Variants in AGAP1 observed in about 807,000 individuals in gnomAD.
AGAP1 encodes the protein arf-GAP with GTPase, ANK repeat and PH domain-containing protein 1.
In AGAP1, 29 loss-of-function variants were observed where a neutral mutation model predicts 105.3. That is an observed-to-expected ratio of 0.28 (90% CI 0.21 to 0.38). The LOEUF (loss-of-function observed/expected upper bound fraction) is 0.38. Ranked by LOEUF, AGAP1 falls within the 10% of genes least tolerant of loss-of-function variation. The pLI is 1.00. For synonymous variants in AGAP1, 509 were observed against 485.9 expected (o/e 1.05, Z -0.63); for missense variants, 998 against 1,165.1 (o/e 0.86, Z 2.09).
chr2:235,562,736 A>G (rs1035145179), intron 1 of AGAP1, among the ~76,000 whole-genome samples: 6 of 152,058 alleles, frequency 3.9e-5, no homozygotes, highest in Non-Finnish European at 8.8e-5. Flanking sequence ...TGGGCAAGTC[A>G]CCATGGCTCT....
intron 6 of AGAP1, among the ~76,000 whole-genome samples, chr2:235,778,232 G>A (rs1038306262): frequency 6.6e-6 from 1 of 152,138 alleles, no homozygotes; most frequent in Admixed American, 6.5e-5. Flanking sequence ...TACCTTGTAC[G>A]ACCCTTGCCA....
intron 13 of AGAP1, among the ~76,000 whole-genome samples, chr2:236,030,408 C>G (rs2057189293): frequency 6.6e-6 from 1 of 152,200 alleles, no homozygotes; most frequent in Non-Finnish European, 1.5e-5. Context: ...TGGTCTCCGT[C>G]CATGGGAAGC....
In AGAP1 at chr2:235,599,077, A is replaced by C. The variant is rs1945641636; in HGVS notation, c.163+104228A>C. On this transcript the variant is annotated intron_variant, in intron 1 of 17. Coordinates refer to ENST00000304032, the MANE Select transcript of AGAP1 (RefSeq NM_001037131.3). This position sits in a 1 kb window ranked among gnomAD's most constrained non-coding sequence, Gnocchi z 5.3. ...GGTAGGAATGTATTTATTTACTCGC[A>C]TGCCTTCAGATGCTTGCAGTAAGTC... Among the ~76,000 whole-genome samples, 1 of 152,176 alleles carries C rather than the reference A, an allele frequency of 6.6e-6. No homozygotes were observed. Among genetic ancestry groups the C allele is most frequent in the South Asian group, 2.1e-4 (1 of 4,826 alleles).
rs892976266 is a variant in AGAP1 at position 235,552,255 on chromosome 2, A to C, written c.163+57406A>C. Among the ~76,000 whole-genome samples, 5 of 152,198 alleles carry C rather than the reference A, an allele frequency of 3.3e-5. No individual in the cohort carries two copies. ...GCTTATTGCTGGTGTTGAGAAATAC[A>C]GTTTCTGCAGGAAAGAGAGAGACAT... is the stretch of plus-strand genomic sequence containing the variant. On this transcript the variant is annotated intron_variant, in intron 1 of 17. Transcript: ENST00000304032. The surrounding 1 kb of genome is among the most constrained non-coding windows in gnomAD (Gnocchi z 5.9).
chr2:235,508,418 C>G (rs1210278950), intron 1 of AGAP1, among the ~76,000 whole-genome samples: 1 of 152,242 alleles, frequency 6.6e-6, no homozygotes, highest in African/African-American at 2.4e-5. Flanking sequence ...CAGTTCGCAG[C>G]TCTCCTGCAG....
At chr2:236,030,007 A>G (rs1319371056) in intron 13 of AGAP1, among the ~76,000 whole-genome samples, 1 of 152,178 alleles carries the variant, frequency 6.6e-6, no homozygotes, top group East Asian at 1.9e-4. Context: ...CAAAGTGCTG[A>G]GTTGGCAGAC....
chr2:236,032,120 G>A (rs1576117730), intron 13 of AGAP1, among the ~76,000 whole-genome samples: 1 of 152,162 alleles, frequency 6.6e-6, no homozygotes, highest in African/African-American at 2.4e-5. Context: ...AGACCTTGGG[G>A]ATGGGGATAA....
chr2:235,931,648 C>T lies in AGAP1; in HGVS notation c.1483+725C>T, dbSNP rs1240175462. Among the ~76,000 whole-genome samples, 1 of 151,922 alleles carries T rather than the reference C, an allele frequency of 6.6e-6. No homozygotes were observed. The highest frequency in any genetic ancestry group is 1.5e-5 in the Non-Finnish European group (1 of 68,006). On this transcript the variant is annotated intron_variant, in intron 12 of 17. Coordinates refer to ENST00000304032, the MANE Select transcript of AGAP1 (RefSeq NM_001037131.3). This position sits in a 1 kb window ranked among gnomAD's most constrained non-coding sequence, Gnocchi z 5.6. Reference sequence around the variant, plus strand: ...CCACTGTTGTATGTAATCTATCAGACGGGGTTTTAGAGTAATCTTAGCATA... The same window carrying T: ...CCACTGTTGTATGTAATCTATCAGATGGGGTTTTAGAGTAATCTTAGCATA...
At position 235,792,617 on chromosome 2, in the gene AGAP1, C is replaced by T. The variant is rs779091621; in HGVS notation, c.674-5142C>T. Among the ~76,000 whole-genome samples, 3 of 152,172 alleles carry T rather than the reference C, an allele frequency of 2.0e-5. No homozygotes were observed. The highest frequency in any genetic ancestry group is 6.5e-5 in the Admixed American group (1 of 15,270). On this transcript the variant is annotated intron_variant, in intron 6 of 17. Coordinates refer to ENST00000304032, the MANE Select transcript of AGAP1 (RefSeq NM_001037131.3). The surrounding 1 kb of genome is among the most constrained non-coding windows in gnomAD (Gnocchi z 5.3). Reference sequence around the variant, plus strand: ...TAGACCAAGGCAGTGGCAGTGAAGACGAATTTCTGAGAAACTCTGGTGGTT... The same window carrying T: ...TAGACCAAGGCAGTGGCAGTGAAGATGAATTTCTGAGAAACTCTGGTGGTT...
At chr2:235,590,610 G>C (rs1945292536) in intron 1 of AGAP1, among the ~76,000 whole-genome samples, 1 of 151,524 alleles carries the variant, frequency 6.6e-6, no homozygotes, top group South Asian at 2.1e-4. Flanking sequence ...AACCTGCCAG[G>C]ATAGGCCACT....
chr2:235,731,308 A>G (rs1014074420), intron 3 of AGAP1, among the ~76,000 whole-genome samples: 7 of 152,172 alleles, frequency 4.6e-5, no homozygotes, highest in African/African-American at 1.7e-4. Context: ...TCACTTGCTT[A>G]CCTGGAAGCT....
At position 235,963,869 on chromosome 2, in the gene AGAP1, C is replaced by T. The variant is rs889210614; in HGVS notation, c.1484-4593C>T. On this transcript the variant is annotated intron_variant, in intron 12 of 17. Transcript: ENST00000304032. This position sits in a 1 kb window ranked among gnomAD's most constrained non-coding sequence, Gnocchi z 5.1. ...AGAGAGCCTAGCGGTAGACCTACCA[C>T]GCCCCTGTGGAAGCCTGTCGTGTGG... Among the ~76,000 whole-genome samples, 2 of 152,196 alleles carry T rather than the reference C, an allele frequency of 1.3e-5. No homozygotes were observed. The highest frequency in any genetic ancestry group is 2.1e-4 in the South Asian group (1 of 4,832).
rs1043297290 is a variant in AGAP1 at position 236,105,348 on chromosome 2, G to A, written c.2115-14844G>A. Among the ~76,000 whole-genome samples the A allele has an allele frequency of 7.2e-5, 11 of 152,034 alleles. No individual in the cohort carries two copies. Among genetic ancestry groups the A allele is most frequent in the African/African-American group, 2.7e-4 (11 of 41,394 alleles). On this transcript the variant is annotated intron_variant, in intron 16 of 17. Coordinates refer to ENST00000304032, the MANE Select transcript of AGAP1 (RefSeq NM_001037131.3). This position sits in a 1 kb window ranked among gnomAD's most constrained non-coding sequence, Gnocchi z 4.2. ...CGGAGCGGGGGACCAAGGACAGAGAGGAAGACAAAGGCTCTGTGAGCTGTG... is the reference window on the plus strand; with the variant it reads ...CGGAGCGGGGGACCAAGGACAGAGAAGAAGACAAAGGCTCTGTGAGCTGTG...
At position 235,633,462 on chromosome 2, in the gene AGAP1, C is replaced by A. The variant is rs1477985229; in HGVS notation, c.164-75717C>A. On this transcript the variant is annotated intron_variant, in intron 1 of 17. Coordinates refer to ENST00000304032, the MANE Select transcript of AGAP1 (RefSeq NM_001037131.3). This position sits in a 1 kb window ranked among gnomAD's most constrained non-coding sequence, Gnocchi z 4.8. The stretch of plus-strand genomic sequence containing the variant: ...TACAAAAATTAGCCAGGCATGGTGG[C>A]GGGCTCCTGTAATTCCAGCTACTCG... 6.6e-6 allele frequency among the ~76,000 whole-genome samples: 1 copy of A among 152,098 alleles called. No individual in the cohort carries two copies. Among genetic ancestry groups the A allele is most frequent in the Non-Finnish European group, 1.5e-5 (1 of 68,026 alleles).
At chr2:235,533,671 A>G (rs1352310850) in intron 1 of AGAP1, among the ~76,000 whole-genome samples, 2 of 152,230 alleles carry the variant, frequency 1.3e-5, no homozygotes, top group Admixed American at 1.3e-4. Context: ...CCTCTAATGA[A>G]AAGGAATGCT....
chr2:235,612,538 A>G lies in AGAP1; in HGVS notation c.164-96641A>G, dbSNP rs1946163151. Among the ~76,000 whole-genome samples the G allele has an allele frequency of 6.6e-6, 1 of 152,160 alleles. No homozygotes were observed. The highest frequency in any genetic ancestry group is 6.5e-5 in the Admixed American group (1 of 15,280). On this transcript the variant is annotated intron_variant, in intron 1 of 17. Coordinates refer to ENST00000304032, the MANE Select transcript of AGAP1 (RefSeq NM_001037131.3). This position sits in a 1 kb window ranked among gnomAD's most constrained non-coding sequence, Gnocchi z 4.3. ...CTGACAAATACTTACTTAATAGCTG[A>G]TTGTATTCAGGTGCTAAGGGAAAAG...
At position 235,966,978 on chromosome 2, in the gene AGAP1, A is replaced by G. The variant is rs146791242; in HGVS notation, c.1484-1484A>G. 1.2e-3 allele frequency among the ~76,000 whole-genome samples: 180 copies of G among 152,278 alleles called. 1 individual carries two copies. The highest frequency in any genetic ancestry group is 4.2e-3 in the African/African-American group (174 of 41,548). On this transcript the variant is annotated intron_variant, in intron 12 of 17. Coordinates refer to ENST00000304032, the MANE Select transcript of AGAP1 (RefSeq NM_001037131.3). ...ACTTCACAAAATAAAAATATTTTCA[A>G]TTCATTTTGATTTCCATTATCTTTG... is the stretch of plus-strand genomic sequence containing the variant.
At chr2:236,041,538 A>G (rs1233241826) in intron 15 of AGAP1, among the ~76,000 whole-genome samples, 3 of 152,122 alleles carry the variant, frequency 2.0e-5, no homozygotes, top group Admixed American at 6.5e-5. Flanking sequence ...TGAAAAAGTC[A>G]TTTTGTTGTT....
rs886691408 is a variant in AGAP1, at chr2:235,574,637, G to A, written c.163+79788G>A. On this transcript the variant is annotated intron_variant, in intron 1 of 17. Transcript: ENST00000304032. The surrounding 1 kb of genome is among the most constrained non-coding windows in gnomAD (Gnocchi z 5.0). ...TTTTAGGTCCTTTTTGGTTCTGTGC[G>A]ACAGTTAATGAATAGTCATGTGCAT... Among the ~76,000 whole-genome samples, 17 of 152,132 alleles carry A rather than the reference G, an allele frequency of 1.1e-4. No homozygotes were observed. Among genetic ancestry groups the A allele is most frequent in the South Asian group, 2.1e-4 (1 of 4,824 alleles).
Sources: allele counts gnomAD v4.1 joint callset (sites outside exome capture counted in the v4.1 genomes callset), GRCh38; gene constraint gnomAD v4.1.1; non-coding constraint Gnocchi (gnomAD v3.1); transcripts MANE v1.5; gene names NCBI Gene and HGNC (gene_info 2026-07-23, HGNC 2026-07-21).